MYO5B: variants seen among roughly 807,000 people sequenced by gnomAD.
MYO5B encodes myosin VB, also known as unconventional myosin-Vb.
In MYO5B, 143 loss-of-function variants were observed where a neutral mutation model predicts 229.3. The observed-to-expected ratio is 0.62, with a 90% CI of 0.54 to 0.72. MYO5B has a LOEUF of 0.72. Ranked by LOEUF, MYO5B falls within the 30% of genes least tolerant of loss-of-function variation. MYO5B has a pLI of 0.00. For missense variants in MYO5B, 2,321 were observed against 2,331.0 expected (o/e 1.00, Z 0.09); for synonymous variants, 918 against 885.2 (o/e 1.04, Z -0.66).
At chr18:50,084,478 C>A (rs535431426) in intron 1 of MYO5B, among the ~76,000 whole-genome samples, 1 of 152,294 alleles carries the variant, frequency 6.6e-6, no homozygotes, top group East Asian at 1.9e-4. Context: ...TGAAGGCCTG[C>A]AAAGTTCTTT....
intron 4 of MYO5B, among the ~76,000 whole-genome samples, chr18:50,027,982 A>G (rs887886230): frequency 2.2e-4 from 34 of 152,338 alleles, no homozygotes; most frequent in Non-Finnish European, 5.9e-5. Flanking sequence ...CTGAATTTAC[A>G]CTGACAGAAA....
chr18:50,188,817 A>C (rs895449752), intron 1 of MYO5B, among the ~76,000 whole-genome samples: 11 of 62,698 alleles, frequency 1.8e-4, no homozygotes, highest in African/African-American at 3.8e-4. Flanking sequence ...AAAAAAAAAA[A>C]CACACACACC....
chr18:49,970,303 C>T (rs1256532446), intron 10 of MYO5B, among the ~76,000 whole-genome samples: 5 of 152,276 alleles, frequency 3.3e-5, no homozygotes, highest in South Asian at 4.1e-4. Context: ...CTGAGTACTG[C>T]TTGCTTTGCA....
At chr18:49,879,275 T>C in intron 23 of MYO5B, 185 bp from the exon 24 acceptor site, 4 of 688,846 alleles carry the variant, frequency 5.8e-6, no homozygotes, top group Non-Finnish European at 1.0e-5. Context: ...TCTGGCTTAG[T>C]CTTCAGAGAG....
At chr18:50,057,312 G>A (rs903691760) in intron 1 of MYO5B, among the ~76,000 whole-genome samples, 2 of 152,180 alleles carry the variant, frequency 1.3e-5, no homozygotes, top group African/African-American at 4.8e-5. Context: ...CCACTCCTGG[G>A]ACTCCCCCTT....
chr18:49,960,024 A>G (rs1004839080), intron 12 of MYO5B, among the ~76,000 whole-genome samples: 1 of 151,452 alleles, frequency 6.6e-6, no homozygotes, highest in South Asian at 2.1e-4. Flanking sequence ...TCCAGTCTGC[A>G]CTCTCCTCTG....
chr18:50,151,193 A>G (rs1410444646), intron 1 of MYO5B, among the ~76,000 whole-genome samples: 1 of 152,230 alleles, frequency 6.6e-6, no homozygotes, highest in East Asian at 1.9e-4. Context: ...TCCCACAGGA[A>G]AAAACAGTTC....
rs1233170219 is a variant in MYO5B at position 49,877,884 on chromosome 18, TG to T, written c.3277-3del. ...GTTCCGCCTATGACCTGGAGTTTGC[TG>T]TTCAACAAGAAAAACGTGATAGCTC... On this transcript the variant is annotated splice_polypyrimidine_tract_variant and splice_region_variant and intron_variant, in intron 24 of 39. Coordinates refer to ENST00000285039, the MANE Select transcript of MYO5B (RefSeq NM_001080467.3). The T allele has an allele frequency of 1.2e-6, 2 of 1,614,018 alleles. No homozygotes were observed. Among genetic ancestry groups the T allele is most frequent in the Non-Finnish European group, 1.7e-6 (2 of 1,179,968 alleles).
At chr18:50,175,817 C>T (rs924713021) in intron 1 of MYO5B, among the ~76,000 whole-genome samples, 1 of 152,376 alleles carries the variant, frequency 6.6e-6, no homozygotes, top group African/African-American at 2.4e-5. Flanking sequence ...CACTTCTGCA[C>T]AGGCAGCCCA....
At chr18:50,025,019 T>C (rs967110959) in intron 4 of MYO5B, among the ~76,000 whole-genome samples, 13 of 152,122 alleles carry the variant, frequency 8.5e-5, no homozygotes, top group Admixed American at 5.9e-4. Flanking sequence ...GTTCATGAGG[T>C]CGGCTTGCTT....
rs180783953 is a variant in MYO5B, at chr18:49,825,828, C to T, written c.*643G>A. The T allele has an allele frequency of 3.8e-4, 58 of 154,102 alleles. No homozygotes were observed. Among genetic ancestry groups the T allele is most frequent in the African/African-American group, 1.4e-3 (57 of 41,552 alleles). 9.5% of individuals were successfully genotyped at this position (154,102 alleles called of 1,614,324 possible). On this transcript the variant is annotated 3_prime_UTR_variant, in exon 40 of 40. Coordinates refer to ENST00000285039, the MANE Select transcript of MYO5B (RefSeq NM_001080467.3). ...AGCGTTTGAGCACACTGAGGACTGG[C>T]ACTTCTAATTTTGCTTCAGAAACCA... is the stretch of plus-strand genomic sequence containing the variant.
At chr18:49,831,130 A>G (rs1295744940) in intron 39 of MYO5B, among the ~76,000 whole-genome samples, 3 of 152,214 alleles carry the variant, frequency 2.0e-5, no homozygotes, top group Non-Finnish European at 4.4e-5. Flanking sequence ...ACCTTATACC[A>G]TATACAAAAA....
At chr18:49,956,184 A>G (rs1311818154) in intron 12 of MYO5B, among the ~76,000 whole-genome samples, 1 of 152,238 alleles carries the variant, frequency 6.6e-6, no homozygotes, top group Non-Finnish European at 1.5e-5. Context: ...GGCAGGAATT[A>G]ACAATGATCA....
rs191360533 is a variant in MYO5B at position 50,145,404 on chromosome 18, G to A, written c.27+49363C>T. Among the ~76,000 whole-genome samples the A allele has an allele frequency of 3.9e-3, 585 of 149,062 alleles. 6 individuals carry two copies. The highest frequency in any genetic ancestry group is 0.014 in the African/African-American group (554 of 40,568). On this transcript the variant is annotated intron_variant, in intron 1 of 39. Coordinates refer to ENST00000285039, the MANE Select transcript of MYO5B (RefSeq NM_001080467.3). ...CGGGAGGCTGAGGCAGGAGAATGGC[G>A]TGAACCCGGGAGGCAGAGCTTGCAG... is the stretch of plus-strand genomic sequence containing the variant.
chr18:50,129,171 C>G (rs2032215041), intron 1 of MYO5B, among the ~76,000 whole-genome samples: 1 of 152,128 alleles, frequency 6.6e-6, no homozygotes, highest in Non-Finnish European at 1.5e-5. Flanking sequence ...AGGGCTGGGC[C>G]CAAGCAGGAC....
chr18:49,879,173 G>C, intron 23 of MYO5B, 83 bp from the exon 24 acceptor site: 1 of 1,566,132 alleles, frequency 6.4e-7, no homozygotes, highest in Non-Finnish European at 8.8e-7. Flanking sequence ...TTAATCTCTT[G>C]TTAAGAGGCT....
chr18:50,115,853 G>A (rs971906526), intron 1 of MYO5B, among the ~76,000 whole-genome samples: 1 of 152,102 alleles, frequency 6.6e-6, no homozygotes, highest in African/African-American at 2.4e-5. Flanking sequence ...TAAAGTTCTG[G>A]ATTTTTTTCA....
chr18:49,892,468 C>T (rs550384688), intron 22 of MYO5B, among the ~76,000 whole-genome samples: 4 of 152,182 alleles, frequency 2.6e-5, no homozygotes, highest in Admixed American at 6.5e-5. Context: ...ATACGACACT[C>T]GCTGCCTTTG....
chr18:49,877,824 T>C lies in MYO5B; in HGVS notation c.3335A>G (p.Asn1112Ser), dbSNP rs967113023. Residue 1112 changes from asparagine to serine, a missense_variant, in exon 25 of 40, where the codon AAT becomes AGT. Asn to Ser is a conservative substitution (Grantham distance 46, BLOSUM62 1). Transcript: ENST00000285039. ...CTCAGATGTGGAGATGGAGGGGTAA[T>C]TGGAGTCAGATTCTAAGCTACTTTG... ...SNQSSLESDS[N>S]YPSISTSEIG... 10 of 1,614,048 alleles carry C rather than the reference T, an allele frequency of 6.2e-6. No individual in the cohort carries two copies. The highest frequency in any genetic ancestry group is 1.3e-5 in the African/African-American group (1 of 75,026).
Sources: allele counts gnomAD v4.1 joint callset (sites outside exome capture counted in the v4.1 genomes callset), GRCh38; gene constraint gnomAD v4.1.1; transcripts MANE v1.5; gene names NCBI Gene and HGNC (gene_info 2026-07-23, HGNC 2026-07-21).